TRAPPC8: variants seen among roughly 807,000 people sequenced by gnomAD.
TRAPPC8 encodes the protein trafficking protein particle complex subunit 8, also known as general sporulation gene 1 homolog.
In TRAPPC8, 54 loss-of-function variants were observed where a neutral mutation model predicts 174.3. The ratio of observed to expected loss-of-function variants is 0.31; its 90% CI spans 0.25 to 0.39. TRAPPC8 has a LOEUF of 0.39. TRAPPC8 is among the 10% of genes least tolerant of loss of function. The pLI is 1.00. For missense variants in TRAPPC8, 1,531 were observed against 1,699.1 expected, an observed-to-expected ratio of 0.90 and a Z score of 1.74; for synonymous variants, 630 against 579.9, an observed-to-expected ratio of 1.09 and a Z score of -1.24.
At chr18:31,834,282 T>A (rs1356581163) in intron 27 of TRAPPC8, among the ~76,000 whole-genome samples, 2 of 151,888 alleles carry the variant, frequency 1.3e-5, no homozygotes, top group Non-Finnish European at 2.9e-5. Flanking sequence ...AATTTTTTTT[T>A]ATTTTTTAGT....
rs192951766 is a variant in TRAPPC8 at position 31,886,055 on chromosome 18, G to C, written c.1728+4680C>G. ...AGTTTTGCTCTTGTTGCCCAGGCTGGAGTGCAATGGTGCAATCTTGGGTCA... is the reference window on the plus strand; with the variant it reads ...AGTTTTGCTCTTGTTGCCCAGGCTGCAGTGCAATGGTGCAATCTTGGGTCA... On this transcript the variant is annotated intron_variant, in intron 12 of 28. Transcript: ENST00000283351. 1.4e-3 allele frequency among the ~76,000 whole-genome samples: 218 copies of C among 150,926 alleles called. 1 individual carries two copies. The highest frequency in any genetic ancestry group is 5.1e-3 in the African/African-American group (211 of 41,248).
intron 12 of TRAPPC8, among the ~76,000 whole-genome samples, chr18:31,876,500 A>AAAAAAAAAAAAAAAAAAAC: frequency 6.7e-6 from 1 of 149,552 alleles, no homozygotes; most frequent in Non-Finnish European, 1.5e-5. Flanking sequence ...AAAAAAAAAA[A>AAAAAAAAAAAAAAAAAAAC]AAAAAAAAAA....
At chr18:31,933,006 A>AAG (rs2037916600) in intron 1 of TRAPPC8, among the ~76,000 whole-genome samples, 1 of 142,716 alleles carries the variant, frequency 7.0e-6, no homozygotes, top group South Asian at 2.2e-4. Flanking sequence ...TCAAAAAAAA[A>AAG]AAAAAAAAAA....
At position 31,942,842 on chromosome 18, in the gene TRAPPC8, C is replaced by T; in HGVS notation, c.-78G>A. On this transcript the variant is annotated 5_prime_UTR_variant, in exon 1 of 29. Coordinates refer to ENST00000283351, the MANE Select transcript of TRAPPC8 (RefSeq NM_014939.5). The stretch of plus-strand genomic sequence containing the variant: ...TATCCTGCGGCTGCAGCAGCTACCG[C>T]CGCCGCCCGCCGGCCTGGCCCGGCC... 9.5e-6 allele frequency: 12 copies of T among 1,262,480 alleles called. No homozygotes were observed. The highest frequency in any genetic ancestry group is 3.1e-5 in the East Asian group (1 of 31,748). 78.2% of individuals were successfully genotyped at this position (1,262,480 alleles called of 1,614,324 possible). A position where few individuals can be genotyped will look rare whatever the true frequency, so the allele number is the denominator to read the frequency against.
intron 16 of TRAPPC8, among the ~76,000 whole-genome samples, chr18:31,868,830 G>A (rs944020616): frequency 7.9e-5 from 12 of 151,974 alleles, no homozygotes; most frequent in African/African-American, 2.9e-4. Context: ...AGCCTCCCAG[G>A]TAGCTGGGAC....
At chr18:31,918,381 A>C (rs536783137) in intron 2 of TRAPPC8, among the ~76,000 whole-genome samples, 4 of 152,166 alleles carry the variant, frequency 2.6e-5, no homozygotes, top group African/African-American at 9.7e-5. Flanking sequence ...TCACACTGCC[A>C]TAAGTAGATC....
intron 19 of TRAPPC8, among the ~76,000 whole-genome samples, chr18:31,858,852 G>GCCAGAGTTGGTGGATC (rs201579113): frequency 1.3e-5 from 2 of 152,176 alleles, no homozygotes; most frequent in African/African-American, 2.4e-5. Flanking sequence ...ACTTTGGGAG[G>GCCAGAGTTGGTGGATC]CCAGAGTTGG....
intron 12 of TRAPPC8, among the ~76,000 whole-genome samples, chr18:31,890,390 A>C (rs2035903655): frequency 6.6e-6 from 1 of 152,222 alleles, no homozygotes; most frequent in African/African-American, 2.4e-5. Flanking sequence ...AGAGAACAGA[A>C]GATCACAGCT....
intron 26 of TRAPPC8, 127 bp downstream of exon 26, chr18:31,846,589 A>C (rs34846731): frequency 0.26 from 198,315 of 755,962 alleles, 27,882 homozygotes; most frequent in Middle Eastern, 0.34. Flanking sequence ...ACAACAACAA[A>C]AAAAACCAAA....
chr18:31,832,545 T>C (rs1056644548), intron 27 of TRAPPC8: 1 of 152,276 alleles, frequency 6.6e-6, no homozygotes, highest in African/African-American at 2.4e-5. Context: ...CTGTTGTCTT[T>C]GTGCTTATTA....
At chr18:31,915,405 G>T (rs1402796701) in intron 4 of TRAPPC8, among the ~76,000 whole-genome samples, 1 of 146,228 alleles carries the variant, frequency 6.8e-6, no homozygotes, top group African/African-American at 2.5e-5. Flanking sequence ...AGAGGCTGCA[G>T]TGAGCCAAGA....
chr18:31,919,194 T>C (rs933426600), intron 2 of TRAPPC8, among the ~76,000 whole-genome samples: 4 of 152,126 alleles, frequency 2.6e-5, no homozygotes, highest in Non-Finnish European at 5.9e-5. Context: ...TTCATCGTTA[T>C]AAAAGAGGAA....
At position 31,830,773 on chromosome 18, in the gene TRAPPC8, G is replaced by A; in HGVS notation, c.4290C>T (p.Ile1430=). The A allele has an allele frequency of 6.2e-7, 1 of 1,613,674 alleles. No individual in the cohort carries two copies. Among genetic ancestry groups the A allele is most frequent in the Admixed American group, 1.7e-5 (1 of 59,994 alleles). ...TSQQNSMPAL[I]IISNV ...CAAGTTGTCACACATTACTGATGAT[G>A]ATCAGGGCAGGCATGGAATTCTGCT... Residue 1430 remains isoleucine (I), a synonymous_variant, in exon 29 of 29, where the codon ATC becomes ATT. Coordinates refer to ENST00000283351, the MANE Select transcript of TRAPPC8 (RefSeq NM_014939.5).
At position 31,867,484 on chromosome 18, in the gene TRAPPC8, A is replaced by G. The variant is rs748854883; in HGVS notation, c.2389-8T>C. On this transcript the variant is annotated splice_polypyrimidine_tract_variant and splice_region_variant and intron_variant, in intron 16 of 28. Transcript: ENST00000283351. ...TTCAGGTTCACTTGTAACCTAAAAA[A>G]TAAATTTCATAAATTATACATTCCA... is the stretch of plus-strand genomic sequence containing the variant. 4.5e-6 allele frequency: 7 copies of G among 1,543,634 alleles called. No homozygotes were observed. In the South Asian group the frequency reaches 5.7e-5, roughly 12 times the overall value.
chr18:31,854,174 A>T (rs1448989336), intron 21 of TRAPPC8, among the ~76,000 whole-genome samples: 3 of 152,328 alleles, frequency 2.0e-5, no homozygotes, highest in African/African-American at 7.2e-5. Flanking sequence ...TCAATGGTAA[A>T]TTTTAAAATA....
Position 31,890,726 on chromosome 18 carries a change from T to C in TRAPPC8, c.1728+9A>G. The stretch of plus-strand genomic sequence containing the variant: ...TAGCAACTTTTCATTGTAAAGCAAA[T>C]GCACTCACCTGCCCTGCTTTACTAA... On this transcript the variant is annotated intron_variant, in intron 12 of 28. Transcript: ENST00000283351. 6.2e-7 allele frequency: 1 copy of C among 1,600,978 alleles called. No individual in the cohort carries two copies. The highest frequency in any genetic ancestry group is 8.5e-7 in the Non-Finnish European group (1 of 1,175,208).
At position 31,916,375 on chromosome 18, in the gene TRAPPC8, G is replaced by A. The variant is rs1314114241; in HGVS notation, c.514C>T (p.Arg172Ter). Reference sequence around the variant, plus strand: ...GAATAATCACTGTTGTGCTGAATTCGATGCTGTTCTTGTGACAACTTTGAA... The same window carrying A: ...GAATAATCACTGTTGTGCTGAATTCAATGCTGTTCTTGTGACAACTTTGAA... ...QFSKLSQEQH[R>*]IQHNSDYSYP... is the part of the protein sequence containing the mutation. Residue 172 changes from arginine to a stop codon, truncating the protein, a stop_gained, in exon 4 of 29, where the codon CGA becomes TGA. Transcript: ENST00000283351. LOFTEE classifies it high-confidence loss of function. The A allele has an allele frequency of 1.2e-6, 2 of 1,613,758 alleles. No individual in the cohort carries two copies. Among genetic ancestry groups the A allele is most frequent in the East Asian group, 2.2e-5 (1 of 44,852 alleles).
intron 19 of TRAPPC8, 114 bp downstream of exon 19, chr18:31,864,513 T>C (rs973018875): frequency 1.0e-6 from 1 of 980,378 alleles, no homozygotes; most frequent in Non-Finnish European, 1.5e-6. Context: ...TTAATAATAA[T>C]TTAAAAGTAT....
At chr18:31,879,228 C>A (rs1169798936) in intron 12 of TRAPPC8, among the ~76,000 whole-genome samples, 1 of 152,016 alleles carries the variant, frequency 6.6e-6, no homozygotes, top group Non-Finnish European at 1.5e-5. Flanking sequence ...TACTGGGTCA[C>A]AAAGCAAGTC....
Sources: allele counts gnomAD v4.1 joint callset (sites outside exome capture counted in the v4.1 genomes callset), GRCh38; gene constraint gnomAD v4.1.1; transcripts MANE v1.5; gene names NCBI Gene and HGNC (gene_info 2026-07-23, HGNC 2026-07-21).